Variants in SKAP2 observed in about 807,000 individuals in gnomAD.
SKAP2 encodes the protein src kinase-associated phosphoprotein 2.
SKAP2 carries 28 observed loss-of-function variants against 54.9 expected under a neutral mutation model. The observed-to-expected ratio is 0.51, with a 90% CI of 0.38 to 0.70. SKAP2 has a LOEUF of 0.70. Ranked by LOEUF, SKAP2 falls within the 30% of genes least tolerant of loss-of-function variation. SKAP2 has a pLI of 0.00. For synonymous variants in SKAP2, 137 were observed against 134.3 expected (o/e 1.02, Z -0.14); for missense variants, 356 against 424.1 (o/e 0.84, Z 1.41).
At chr7:26,859,033 TGGGGGA>T (rs1286533066) in intron 1 of SKAP2, among the ~76,000 whole-genome samples, 2 of 152,080 alleles carry the variant, frequency 1.3e-5, no homozygotes, top group Non-Finnish European at 2.9e-5. Context: ...CTGAATTGTA[TGGGGGA>T]GGGGGAGGGC....
intron 6 of SKAP2, among the ~76,000 whole-genome samples, chr7:26,736,055 T>TA (rs892804300): frequency 1.3e-5 from 2 of 152,180 alleles, no homozygotes; most frequent in African/African-American, 4.8e-5. Context: ...AAAGGAATGC[T>TA]AAAATGGTAA....
At chr7:26,809,783 T>A (rs1305343504) in intron 4 of SKAP2, among the ~76,000 whole-genome samples, 1 of 152,184 alleles carries the variant, frequency 6.6e-6, no homozygotes, top group East Asian at 1.9e-4. Flanking sequence ...AAAATCAGTA[T>A]GTCAAGGGGA....
intron 11 of SKAP2, among the ~76,000 whole-genome samples, chr7:26,671,514 T>C (rs964547183): frequency 6.6e-6 from 1 of 152,024 alleles, no homozygotes; most frequent in Non-Finnish European, 1.5e-5. Context: ...AGTCTATCAA[T>C]AGAGAGATTA....
chr7:26,822,102 C>T (rs1230655377), intron 4 of SKAP2, among the ~76,000 whole-genome samples: 2 of 152,146 alleles, frequency 1.3e-5, no homozygotes, highest in Non-Finnish European at 2.9e-5. Context: ...TTAAGTATGA[C>T]AACTGATGAG....
intron 9 of SKAP2, among the ~76,000 whole-genome samples, chr7:26,712,268 T>A (rs1019337869): frequency 3.3e-5 from 5 of 152,170 alleles, no homozygotes; most frequent in African/African-American, 1.2e-4. Flanking sequence ...AAGTTTCAGA[T>A]TTTGGAACAT....
In SKAP2 at chr7:26,726,803, T is replaced by A. The variant is rs965097983; in HGVS notation, c.594+79A>T. On this transcript the variant is annotated intron_variant, in intron 7 of 12. Coordinates refer to ENST00000345317, the MANE Select transcript of SKAP2 (RefSeq NM_003930.5). ...ATTGTTAACATGTCAAGGAAAGTAT[T>A]AATCAAATGTTAATGTCTCTATAAA... 2.1e-5 allele frequency: 24 copies of A among 1,126,520 alleles called. No individual in the cohort carries two copies. In the Admixed American group the frequency reaches 3.9e-4, roughly 19 times the overall value. The allele number at this position is 1,126,520 out of a possible 1,614,324, so 69.8% of individuals were successfully genotyped here. A position where few individuals can be genotyped will look rare whatever the true frequency, so the allele number is the denominator to read the frequency against.
intron 11 of SKAP2, among the ~76,000 whole-genome samples, chr7:26,676,316 G>A (rs1313373098): frequency 6.6e-6 from 1 of 152,186 alleles, no homozygotes; most frequent in Non-Finnish European, 1.5e-5. Context: ...TAAGTAGCCA[G>A]TGCTGGGAAA....
chr7:26,748,309 A>T (rs1352631073), intron 4 of SKAP2, among the ~76,000 whole-genome samples: 1 of 152,150 alleles, frequency 6.6e-6, no homozygotes, highest in Non-Finnish European at 1.5e-5. Flanking sequence ...TTTATCTAAA[A>T]ATTCTAGAGT....
intron 11 of SKAP2, among the ~76,000 whole-genome samples, chr7:26,674,124 G>T (rs1491001146): frequency 1.3e-5 from 2 of 152,020 alleles, no homozygotes; most frequent in African/African-American, 2.4e-5. Flanking sequence ...ATTAGTTACC[G>T]ATGTGTTTGA....
At chr7:26,660,125 T>A in the SKAP2 span, among the ~76,000 whole-genome samples, 1 of 152,124 alleles carries the variant, frequency 6.6e-6, no homozygotes, top group Admixed American at 6.6e-5. Context: ...ATGGCACACT[T>A]GAATAATGTG....
chr7:26,838,739 T>C (rs1562630775), intron 4 of SKAP2, among the ~76,000 whole-genome samples: 1 of 152,162 alleles, frequency 6.6e-6, no homozygotes, highest in Non-Finnish European at 1.5e-5. Context: ...AGCCAATACA[T>C]CAGGAAGTAA....
chr7:26,733,604 T>A (rs997006106), intron 6 of SKAP2, among the ~76,000 whole-genome samples: 2 of 152,146 alleles, frequency 1.3e-5, no homozygotes, highest in Admixed American at 1.3e-4. Flanking sequence ...AGAACATATA[T>A]GTCCTCTTTT....
intron 4 of SKAP2, among the ~76,000 whole-genome samples, chr7:26,804,028 T>C (rs1382554670): frequency 2.0e-5 from 3 of 152,026 alleles, no homozygotes; most frequent in Non-Finnish European, 4.4e-5. Context: ...ATAGAAAGAA[T>C]GAATAAGACC....
At chr7:26,806,362 G>C (rs1303481761) in intron 4 of SKAP2, among the ~76,000 whole-genome samples, 1 of 151,912 alleles carries the variant, frequency 6.6e-6, no homozygotes. Flanking sequence ...AGACTAGCCT[G>C]GGCAATATAG....
intron 4 of SKAP2, among the ~76,000 whole-genome samples, chr7:26,831,737 C>A (rs1334632637): frequency 2.0e-5 from 3 of 152,024 alleles, no homozygotes; most frequent in Admixed American, 6.6e-5. Context: ...CAGAGACAGG[C>A]AATGAAGTAT....
chr7:26,864,553 C>T lies in SKAP2; in HGVS notation c.-124G>A, dbSNP rs142415455. 7.4e-4 allele frequency: 1,062 copies of T among 1,442,032 alleles called. 1 individual carries two copies. The highest frequency in any genetic ancestry group is 8.6e-4 in the Non-Finnish European group (947 of 1,097,862). The allele number at this position is 1,442,032 out of a possible 1,614,324, so 89.3% of individuals were successfully genotyped here. A position where few individuals can be genotyped will look rare whatever the true frequency, so the allele number is the denominator to read the frequency against. ...GATTAAGAACAGCGGGGCTACGAGT[C>T]GGGACACTGCCGGGCCGGGGCTCAC... On this transcript the variant is annotated 5_prime_UTR_variant, in exon 1 of 13. Coordinates refer to ENST00000345317, the MANE Select transcript of SKAP2 (RefSeq NM_003930.5).
chr7:26,727,413 C>T (rs921136767), intron 6 of SKAP2, among the ~76,000 whole-genome samples: 1 of 152,018 alleles, frequency 6.6e-6, no homozygotes, highest in African/African-American at 2.4e-5. Flanking sequence ...TTCACCTATC[C>T]CTCCCCAGCA....
chr7:26,688,326 G>GC, intron 10 of SKAP2, among the ~76,000 whole-genome samples: 2 of 152,068 alleles, frequency 1.3e-5, no homozygotes, highest in Non-Finnish European at 2.9e-5. Flanking sequence ...ATATAAGTTT[G>GC]AACATGAAGG....
At chr7:26,810,342 A>G (rs75353273) in intron 4 of SKAP2, among the ~76,000 whole-genome samples, 1 of 152,192 alleles carries the variant, frequency 6.6e-6, no homozygotes, top group East Asian at 1.9e-4. Context: ...AGAAAGAAAA[A>G]AAAAGAAAAC....
Sources: gnomAD v4.1 joint callset for allele counts (sites outside exome capture counted in the v4.1 genomes callset) on GRCh38, gnomAD v4.1.1 for gene constraint, MANE v1.5 for transcripts, NCBI Gene and HGNC (gene_info 2026-07-23, HGNC 2026-07-21) for gene names.